LRRC7: variants seen among roughly 807,000 people sequenced by gnomAD.
LRRC7 encodes the protein leucine rich repeat containing 7, also known as leucine-rich repeat-containing protein 7.
Under a neutral mutation model 175.7 loss-of-function variants are expected in LRRC7, and 23 were observed. That is an observed-to-expected ratio of 0.13 (90% confidence interval 0.09 to 0.19). The LOEUF is 0.19. Ranked by LOEUF, LRRC7 falls within the 10% of genes least tolerant of loss-of-function variation. The pLI is 1.00. For missense variants in LRRC7, 1,354 were observed against 1,904.7 expected, an observed-to-expected ratio of 0.71 and a Z score of 5.38; for synonymous variants, 685 against 680.9, an observed-to-expected ratio of 1.01 and a Z score of -0.09.
intron 7 of LRRC7, among the ~76,000 whole-genome samples, chr1:69,857,276 G>C (rs537282273): frequency 6.6e-6 from 1 of 152,024 alleles, no homozygotes; most frequent in Non-Finnish European, 1.5e-5. Flanking sequence ...CAATCAGGCA[G>C]GAGAAAGAAA....
intron 1 of LRRC7, among the ~76,000 whole-genome samples, chr1:69,581,844 T>C (rs1157976183): frequency 2.0e-5 from 3 of 152,216 alleles, no homozygotes; most frequent in African/African-American, 7.2e-5. Context: ...CTTTACAGTT[T>C]GGAAGGGCAA....
In LRRC7 at chr1:70,131,779, T is replaced by C. The variant is rs1489660008; in HGVS notation, c.*9892T>C. Among the ~76,000 whole-genome samples, 1 of 152,116 alleles carries C rather than the reference T, an allele frequency of 6.6e-6. No homozygotes were observed. Among genetic ancestry groups the C allele is most frequent in the Admixed American group, 6.5e-5 (1 of 15,272 alleles). ...TATCTTATAGCCCAGTGTCTATACATTTACATGGGTAAAAGAATGCCAATG... is the reference window on the plus strand; with the variant it reads ...TATCTTATAGCCCAGTGTCTATACACTTACATGGGTAAAAGAATGCCAATG... On this transcript the variant is annotated 3_prime_UTR_variant, in exon 27 of 27. Coordinates refer to ENST00000651989, the MANE Select transcript of LRRC7 (RefSeq NM_001370785.2).
intron 21 of LRRC7, 88 bp downstream of exon 21, chr1:70,039,881 A>G: frequency 7.0e-7 from 1 of 1,428,202 alleles, no homozygotes; most frequent in Non-Finnish European, 9.4e-7. Flanking sequence ...TGAAGCATGA[A>G]CTACATGAAT....
intron 1 of LRRC7, among the ~76,000 whole-genome samples, chr1:69,650,312 G>A (rs923577877): frequency 6.6e-6 from 1 of 151,896 alleles, no homozygotes; most frequent in South Asian, 2.1e-4. Context: ...ATGCCAGGAC[G>A]GGTGGATCAC....
At chr1:69,728,450 G>C (rs1222214185) in intron 2 of LRRC7, among the ~76,000 whole-genome samples, 2 of 152,176 alleles carry the variant, frequency 1.3e-5, no homozygotes, top group African/African-American at 2.4e-5. Flanking sequence ...GAAGGATAAA[G>C]CTATCCTGCA....
chr1:69,846,755 T>C (rs1021900179), intron 7 of LRRC7, among the ~76,000 whole-genome samples: 3 of 152,022 alleles, frequency 2.0e-5, no homozygotes, highest in Admixed American at 1.3e-4. Context: ...CTTATTATCA[T>C]TTAGACCCAG....
At chr1:69,902,836 G>C (rs1646175656) in intron 7 of LRRC7, among the ~76,000 whole-genome samples, 1 of 152,088 alleles carries the variant, frequency 6.6e-6, no homozygotes, top group Non-Finnish European at 1.5e-5. Context: ...TGCAAGATTT[G>C]CTTTATGTAA....
chr1:69,789,623 C>T (rs1399587276), intron 3 of LRRC7, among the ~76,000 whole-genome samples: 1 of 151,960 alleles, frequency 6.6e-6, no homozygotes, highest in Non-Finnish European at 1.5e-5. Context: ...TTGAAGTTCC[C>T]AATCCAGTGA....
intron 1 of LRRC7, among the ~76,000 whole-genome samples, chr1:69,671,996 G>A (rs775489560): frequency 1.3e-5 from 2 of 152,106 alleles, no homozygotes; most frequent in Non-Finnish European, 2.9e-5. Flanking sequence ...TGGTTCTTAT[G>A]AAGGCACTTT....
intron 4 of LRRC7, among the ~76,000 whole-genome samples, chr1:69,798,875 T>C (rs189396827): frequency 3.9e-4 from 59 of 152,224 alleles, no homozygotes; most frequent in African/African-American, 1.4e-3. Flanking sequence ...ACACACAGGG[T>C]TACTAAATAT....
chr1:69,642,937 T>C (rs1654456215), intron 1 of LRRC7, among the ~76,000 whole-genome samples: 1 of 152,068 alleles, frequency 6.6e-6, no homozygotes, highest in Admixed American at 6.6e-5. Flanking sequence ...TGATATGCCA[T>C]CTGCAGGCTG....
intron 1 of LRRC7, among the ~76,000 whole-genome samples, chr1:69,641,838 G>C (rs973142775): frequency 6.6e-6 from 1 of 151,686 alleles, no homozygotes; most frequent in Admixed American, 6.6e-5. Context: ...ATTTAAAACT[G>C]TATGGTGACA....
At chr1:69,972,262 G>A (rs1465764084) in intron 8 of LRRC7, among the ~76,000 whole-genome samples, 2 of 152,116 alleles carry the variant, frequency 1.3e-5, no homozygotes, top group African/African-American at 4.8e-5. Context: ...TAAAAACAAA[G>A]ATAAATAGCT....
At chr1:69,786,951 T>A (rs901541301) in intron 3 of LRRC7, among the ~76,000 whole-genome samples, 1 of 152,150 alleles carries the variant, frequency 6.6e-6, no homozygotes, top group African/African-American at 2.4e-5. Context: ...CAGTACAAAG[T>A]CTCATCTGAG....
intron 7 of LRRC7, among the ~76,000 whole-genome samples, chr1:69,875,780 G>A (rs1381967294): frequency 6.6e-6 from 1 of 151,830 alleles, no homozygotes; most frequent in Non-Finnish European, 1.5e-5. Context: ...TGAAATAATT[G>A]TATTGAACTG....
At chr1:69,855,877 G>C (rs1683547933) in intron 7 of LRRC7, among the ~76,000 whole-genome samples, 1 of 152,150 alleles carries the variant, frequency 6.6e-6, no homozygotes, top group South Asian at 2.1e-4. Context: ...ATACCATTAG[G>C]TAATGGCCTT....
At chr1:69,633,294 TA>T (rs1170431902) in intron 1 of LRRC7, among the ~76,000 whole-genome samples, 1 of 152,110 alleles carries the variant, frequency 6.6e-6, no homozygotes, top group Non-Finnish European at 1.5e-5. Flanking sequence ...GATTATATGT[TA>T]ATGTCCTGTT....
chr1:70,003,471 C>T (rs867217955), intron 11 of LRRC7, among the ~76,000 whole-genome samples: 5 of 151,938 alleles, frequency 3.3e-5, no homozygotes, highest in African/African-American at 1.2e-4. Flanking sequence ...GTTTTCAAGT[C>T]AAAGAACTTA....
intron 2 of LRRC7, among the ~76,000 whole-genome samples, chr1:69,686,529 C>G (rs954544741): frequency 2.0e-5 from 3 of 152,024 alleles, no homozygotes; most frequent in Non-Finnish European, 4.4e-5. Flanking sequence ...AACACTGATA[C>G]CAGTAGACTG....
Sources: gnomAD v4.1 joint callset for allele counts (sites outside exome capture counted in the v4.1 genomes callset) on GRCh38, gnomAD v4.1.1 for gene constraint, MANE v1.5 for transcripts, NCBI Gene and HGNC (gene_info 2026-07-23, HGNC 2026-07-21) for gene names.